Variants in KPLCE observed in about 807,000 individuals in gnomAD.
The protein encoded by KPLCE is KPRP N-terminal and LCE C-terminal like protein, also known as protein KPLCE.
the KPLCE span, chr1:152,719,798 G>A: frequency 6.4e-7 from 1 of 1,551,066 alleles, no homozygotes; most frequent in South Asian, 1.2e-5. Flanking sequence ...GAAGTGCCCA[G>A]CTCCCTGCCA....
At chr1:152,720,162 G>A in the KPLCE span, 1 of 1,551,754 alleles carries the variant, frequency 6.4e-7, no homozygotes, top group East Asian at 2.4e-5. Flanking sequence ...GGTTCTGGGG[G>A]CTGTGGCTGC....
At chr1:152,719,888 AG>A in the KPLCE span, 7 of 1,552,050 alleles carry the variant, frequency 4.5e-6, no homozygotes, top group South Asian at 8.3e-5. Context: ...CTACATCAAA[AG>A]TCCAGCTCCC....
chr1:152,720,234 G>T, the KPLCE span: 1 of 1,551,258 alleles, frequency 6.4e-7, no homozygotes, highest in Non-Finnish European at 8.7e-7. Context: ...AGGTCCCGAG[G>T]TCCTGCATGC....
the KPLCE span, chr1:152,720,405 C>T: frequency 3.5e-5 from 27 of 780,506 alleles, no homozygotes; most frequent in African/African-American, 4.7e-4. Flanking sequence ...CTTTGCTTCT[C>T]TACCAAGGCA....
At chr1:152,719,699 G>C in the KPLCE span, 1 of 1,552,176 alleles carries the variant, frequency 6.4e-7, no homozygotes, top group Non-Finnish European at 8.7e-7. Context: ...GAAGTACCAA[G>C]TTCCATGCCA....
At chr1:152,720,217 C>A in the KPLCE span, 3 of 1,551,584 alleles carry the variant, frequency 1.9e-6, no homozygotes, top group Non-Finnish European at 2.6e-6. Context: ...TGGGAATTAT[C>A]CCCATGAGGT....
At chr1:152,719,632 C>T in the KPLCE span, 1 of 1,552,010 alleles carries the variant, frequency 6.4e-7, no homozygotes, top group South Asian at 1.2e-5. Context: ...CAGTTCCATG[C>T]CAGACCCAAA....
chr1:152,719,976 C>T, the KPLCE span: 3 of 1,551,750 alleles, frequency 1.9e-6, no homozygotes, highest in East Asian at 7.3e-5. Flanking sequence ...GCAAGTGGCT[C>T]AACCTCCCAG....
the KPLCE span, chr1:152,720,315 C>T: frequency 6.9e-7 from 1 of 1,453,986 alleles, no homozygotes; most frequent in Non-Finnish European, 9.3e-7. Flanking sequence ...GCCCCGCTAC[C>T]CCTTCTGGAA....
chr1:152,720,229 C>A, the KPLCE span: 2 of 1,551,408 alleles, frequency 1.3e-6, no homozygotes, highest in African/African-American at 1.4e-5. Context: ...CCATGAGGTC[C>A]CGAGGTCCTG....
chr1:152,720,234 G>C, the KPLCE span: 1 of 1,551,258 alleles, frequency 6.4e-7, no homozygotes, highest in Admixed American at 2.0e-5. Flanking sequence ...AGGTCCCGAG[G>C]TCCTGCATGC....
At chr1:152,719,632 C>A in the KPLCE span, 1 of 1,552,010 alleles carries the variant, frequency 6.4e-7, no homozygotes, top group East Asian at 2.4e-5. Context: ...CAGTTCCATG[C>A]CAGACCCAAA....
At chr1:152,719,996 A>C in the KPLCE span, 545,743 of 1,551,458 alleles carry the variant, frequency 0.35, 99,020 homozygotes, top group African/African-American at 0.51. Flanking sequence ...GTACTGTGTC[A>C]CTGACCCATG....
At chr1:152,719,886 A>G in the KPLCE span, 3 of 1,552,276 alleles carry the variant, frequency 1.9e-6, no homozygotes, top group Admixed American at 2.0e-5. Context: ...ACCTACATCA[A>G]AAGTCCAGCT....
chr1:152,719,556 C>T, the KPLCE span: 1 of 1,551,602 alleles, frequency 6.4e-7, no homozygotes, highest in African/African-American at 1.4e-5. Flanking sequence ...CAGTTCCCTC[C>T]ATCTTGTGTG....
At chr1:152,719,570 G>A in the KPLCE span, 17 of 1,551,732 alleles carry the variant, frequency 1.1e-5, no homozygotes, top group South Asian at 2.4e-5. Flanking sequence ...TTGTGTGAAA[G>A]GTTCGGGACT....
At chr1:152,720,189 G>T in the KPLCE span, 1 of 1,551,754 alleles carries the variant, frequency 6.4e-7, no homozygotes, top group Non-Finnish European at 8.7e-7. Flanking sequence ...GGATGTGGCA[G>T]CTCTGGGTGC....
the KPLCE span, chr1:152,719,574 C>T: frequency 2.9e-5 from 45 of 1,551,776 alleles, no homozygotes; most frequent in East Asian, 4.2e-4. Flanking sequence ...GTGAAAGGTT[C>T]GGGACTAGGG....
chr1:152,719,562 G>A, the KPLCE span: 3 of 1,551,796 alleles, frequency 1.9e-6, no homozygotes, highest in African/African-American at 4.1e-5. Flanking sequence ...CCTCCATCTT[G>A]TGTGAAAGGT....
Sources: allele counts gnomAD v4.1 joint callset, GRCh38; gene constraint gnomAD v4.1.1; transcripts MANE v1.5; gene names NCBI Gene and HGNC (gene_info 2026-07-23, HGNC 2026-07-21).